Variants in VWC2L observed in about 807,000 individuals in gnomAD.
VWC2L encodes von Willebrand factor C domain containing 2 like, also known as von Willebrand factor C domain-containing protein 2-like.
VWC2L carries 10 observed loss-of-function variants against 21.6 expected under a neutral mutation model. That is an observed-to-expected ratio of 0.46 (90% confidence interval 0.29 to 0.78). The LOEUF (loss-of-function observed/expected upper bound fraction) is 0.78, where lower values mean the gene tolerates loss of function less well. Ranked by LOEUF, VWC2L falls within the 30% of genes least tolerant of loss-of-function variation. VWC2L has a pLI of 0.10. For missense variants in VWC2L, 209 were observed against 277.1 expected, an observed-to-expected ratio of 0.75 and a Z score of 1.74; for synonymous variants, 96 against 94.3, an observed-to-expected ratio of 1.02 and a Z score of -0.10.
chr2:214,550,577 C>G (rs2105924932), intron 3 of VWC2L, among the ~76,000 whole-genome samples: 1 of 152,286 alleles, frequency 6.6e-6, no homozygotes, highest in East Asian at 1.9e-4. Flanking sequence ...ACCCATCACC[C>G]CATTCAGAAA....
intron 3 of VWC2L, among the ~76,000 whole-genome samples, chr2:214,454,058 A>AT (rs1448323465): frequency 6.6e-6 from 1 of 151,756 alleles, no homozygotes; most frequent in Admixed American, 6.6e-5. Context: ...ATTTTTAAAG[A>AT]TTTTCTGACT....
At chr2:214,428,432 A>G (rs1342685937) in intron 2 of VWC2L, among the ~76,000 whole-genome samples, 1 of 152,294 alleles carries the variant, frequency 6.6e-6, no homozygotes, top group East Asian at 1.9e-4. Context: ...CAATTTTTAT[A>G]CATGGTTACA....
At chr2:214,448,829 C>CA (rs1702911942) in intron 3 of VWC2L, among the ~76,000 whole-genome samples, 1 of 152,150 alleles carries the variant, frequency 6.6e-6, no homozygotes, top group African/African-American at 2.4e-5. Context: ...CATCATTAGA[C>CA]CAGCCATTGA....
intron 3 of VWC2L, among the ~76,000 whole-genome samples, chr2:214,499,218 C>A (rs534546013): frequency 3.5e-4 from 53 of 151,822 alleles, no homozygotes; most frequent in Non-Finnish European, 5.7e-4. Context: ...GGGTGTTTCA[C>A]CATCTTGGCC....
At chr2:214,422,339 A>C (rs1021988862) in intron 2 of VWC2L, among the ~76,000 whole-genome samples, 1 of 152,090 alleles carries the variant, frequency 6.6e-6, no homozygotes, top group Non-Finnish European at 1.5e-5. Flanking sequence ...GGAAGGAGCA[A>C]GAGTGTTCTT....
At chr2:214,433,169 TATATATATATATATTATATATAA>T (rs1015293653) in intron 2 of VWC2L, among the ~76,000 whole-genome samples, 1 of 146,014 alleles carries the variant, frequency 6.8e-6, no homozygotes, top group African/African-American at 2.5e-5. Flanking sequence ...GATATATATA[TATATATATATATATTATATATAA>T]ATATATGTAT....
At chr2:214,546,576 T>C (rs4673856) in intron 3 of VWC2L, among the ~76,000 whole-genome samples, 104,984 of 152,024 alleles carry the variant, frequency 0.69, 37,896 homozygotes, top group East Asian at 0.83. Flanking sequence ...ACCGGGCAAA[T>C]TATTGTAAAT....
intron 3 of VWC2L, among the ~76,000 whole-genome samples, chr2:214,452,034 C>T (rs1025183411): frequency 7.2e-5 from 11 of 152,172 alleles, no homozygotes; most frequent in African/African-American, 2.7e-4. Flanking sequence ...TTCTCTGCCC[C>T]ATCCCATTCC....
At chr2:214,516,791 G>C (rs967208725) in intron 3 of VWC2L, among the ~76,000 whole-genome samples, 1 of 151,816 alleles carries the variant, frequency 6.6e-6, no homozygotes, top group African/African-American at 2.4e-5. Flanking sequence ...ACTTACGTTT[G>C]GTCCCAGGTC....
chr2:214,436,410 C>T (rs1559290347), intron 2 of VWC2L: 1 of 493,492 alleles, frequency 2.0e-6, no homozygotes, highest in Admixed American at 3.3e-5. Flanking sequence ...TACACGGGTG[C>T]TTTTCTTGTT....
chr2:214,562,104 A>G (rs1413830658), intron 3 of VWC2L, among the ~76,000 whole-genome samples: 1 of 152,032 alleles, frequency 6.6e-6, no homozygotes, highest in Non-Finnish European at 1.5e-5. Context: ...TCACCCAGGT[A>G]TTAAGCCCAG....
At chr2:214,509,529 G>A (rs575656373) in intron 3 of VWC2L, among the ~76,000 whole-genome samples, 14 of 152,158 alleles carry the variant, frequency 9.2e-5, no homozygotes, top group South Asian at 2.1e-4. Flanking sequence ...CTTGACTCCC[G>A]GATATCGTAG....
intron 3 of VWC2L, among the ~76,000 whole-genome samples, chr2:214,572,925 ATCTT>A (rs1342888721): frequency 6.6e-6 from 1 of 152,156 alleles, no homozygotes; most frequent in African/African-American, 2.4e-5. Flanking sequence ...ACGTGCAAAG[ATCTT>A]TCTTTGCATT....
chr2:214,446,718 C>G (rs902619445), intron 3 of VWC2L, among the ~76,000 whole-genome samples: 2 of 152,094 alleles, frequency 1.3e-5, no homozygotes, highest in Non-Finnish European at 2.9e-5. Context: ...TCCAGTCCCC[C>G]CACAAAACAT....
At chr2:214,529,877 T>G (rs1175459462) in intron 3 of VWC2L, among the ~76,000 whole-genome samples, 1 of 152,140 alleles carries the variant, frequency 6.6e-6, no homozygotes, top group Non-Finnish European at 1.5e-5. Context: ...ACTGGGTAGT[T>G]TCATTCCTCA....
intron 3 of VWC2L, chr2:214,473,617 G>C (rs1703341270): frequency 6.6e-6 from 1 of 152,102 alleles, no homozygotes; most frequent in South Asian, 2.1e-4. Context: ...TTGTGAAGGA[G>C]GCAAGGAATT....
At position 214,411,619 on chromosome 2, in the gene VWC2L, C is replaced by T. The variant is rs1411106826; in HGVS notation, c.-248C>T. 2 of 152,144 alleles carry T rather than the reference C, an allele frequency of 1.3e-5. No individual in the cohort carries two copies. Among genetic ancestry groups the T allele is most frequent in the Non-Finnish European group, 2.9e-5 (2 of 68,038 alleles). 9.4% of individuals were successfully genotyped at this position (152,144 alleles called of 1,614,324 possible). The stretch of plus-strand genomic sequence containing the variant: ...GGAAGGGCGGGAGACTGCTTCTTTA[C>T]TGTGTTTTGAAATGGGAGGTAGAGA... On this transcript the variant is annotated 5_prime_UTR_variant, in exon 1 of 4. Coordinates refer to ENST00000312504, the MANE Select transcript of VWC2L (RefSeq NM_001080500.4).
At chr2:214,471,100 T>C (rs1029978692) in intron 3 of VWC2L, among the ~76,000 whole-genome samples, 1 of 152,176 alleles carries the variant, frequency 6.6e-6, no homozygotes, top group Non-Finnish European at 1.5e-5. Flanking sequence ...CAGTAATTTT[T>C]ATTGTCTACA....
chr2:214,487,886 C>G (rs768193088), intron 3 of VWC2L, among the ~76,000 whole-genome samples: 1 of 152,034 alleles, frequency 6.6e-6, no homozygotes, highest in African/African-American at 2.4e-5. Context: ...TGAAGAAACA[C>G]GGAAAATATC....
Sources: gnomAD v4.1 joint callset for allele counts (sites outside exome capture counted in the v4.1 genomes callset) on GRCh38, gnomAD v4.1.1 for gene constraint, MANE v1.5 for transcripts, NCBI Gene and HGNC (gene_info 2026-07-23, HGNC 2026-07-21) for gene names.